Variants in PIEZO2 observed in about 807,000 individuals in gnomAD.
PIEZO2 encodes the protein piezo-type mechanosensitive ion channel component 2.
In PIEZO2, 172 loss-of-function variants were observed where a neutral mutation model predicts 337.3. The observed-to-expected ratio is 0.51, with a 90% CI of 0.45 to 0.58. PIEZO2 has a LOEUF of 0.58. Among genes scored for constraint, PIEZO2 ranks in the 20% least tolerant of loss-of-function variants. The probability of loss-of-function intolerance (pLI) is 0.00; values close to 1 mark genes in which losing one functional copy is unlikely to be tolerated. For missense variants in PIEZO2, 3,028 were observed against 3,391.3 expected, an observed-to-expected ratio of 0.89 and a Z score of 2.66; for synonymous variants, 1,251 against 1,228.5, an observed-to-expected ratio of 1.02 and a Z score of -0.38.
intron 42 of PIEZO2, among the ~76,000 whole-genome samples, chr18:10,703,102 C>A (rs893580358): frequency 6.6e-6 from 1 of 152,158 alleles, no homozygotes; most frequent in African/African-American, 2.4e-5. Flanking sequence ...GATCCTCCTG[C>A]CTTGGCCTCT....
At position 10,899,250 on chromosome 18, in the gene PIEZO2, GT is replaced by G. The variant is rs1354593561; in HGVS notation, c.329+11935del. On this transcript the variant is annotated intron_variant, in intron 4 of 55. Transcript: ENST00000674853. The surrounding 1 kb of genome is among the most constrained non-coding windows in gnomAD (Gnocchi z 4.6). ...ACAATACTGGGACAATCCTGTAGTT[GT>G]TCGCTACTTCAAATATTCTGTGTAA... is the stretch of plus-strand genomic sequence containing the variant. 6.6e-6 allele frequency among the ~76,000 whole-genome samples: 1 copy of G among 152,182 alleles called. No individual in the cohort carries two copies. Among genetic ancestry groups the G allele is most frequent in the Middle Eastern group, 3.2e-3 (1 of 316 alleles).
chr18:10,688,119 A>G (rs2034633055), intron 49 of PIEZO2, among the ~76,000 whole-genome samples: 1 of 151,888 alleles, frequency 6.6e-6, no homozygotes, highest in Admixed American at 6.6e-5. Flanking sequence ...TAAGCCCCCC[A>G]TGCGTTAGGT....
intron 37 of PIEZO2, among the ~76,000 whole-genome samples, chr18:10,717,982 T>C (rs1029341589): frequency 6.6e-6 from 1 of 152,224 alleles, no homozygotes; most frequent in Non-Finnish European, 1.5e-5. Flanking sequence ...CTGACACTAA[T>C]TCAACATTTT....
chr18:10,800,537 T>A, intron 10 of PIEZO2, 62 bp from the exon 11 acceptor site: 1 of 1,460,654 alleles, frequency 6.8e-7, no homozygotes, highest in Admixed American at 2.6e-5. Context: ...AATGCAGACA[T>A]ACCCCCACTT....
intron 2 of PIEZO2, among the ~76,000 whole-genome samples, chr18:10,990,312 G>A (rs958626918): frequency 6.6e-6 from 1 of 152,042 alleles, no homozygotes; most frequent in African/African-American, 2.4e-5. Flanking sequence ...ATGAGGAGAT[G>A]GGAAATAGGA....
At chr18:10,933,366 A>T (rs1304140703) in intron 3 of PIEZO2, among the ~76,000 whole-genome samples, 1 of 151,960 alleles carries the variant, frequency 6.6e-6, no homozygotes, top group Non-Finnish European at 1.5e-5. Context: ...TTTCTTCTTC[A>T]TTTCTAAGAT....
rs1405887757 is a variant in PIEZO2, at chr18:11,094,243, C to CGT, written c.65-28023_65-28022dup. 6.6e-6 allele frequency among the ~76,000 whole-genome samples: 1 copy of CGT among 152,114 alleles called. No homozygotes were observed. The highest frequency in any genetic ancestry group is 6.5e-5 in the Admixed American group (1 of 15,276). On this transcript the variant is annotated intron_variant, in intron 1 of 55. Coordinates refer to ENST00000674853, the MANE Select transcript of PIEZO2 (RefSeq NM_001378183.1). This position sits in a 1 kb window ranked among gnomAD's most constrained non-coding sequence, Gnocchi z 4.4. Reference sequence around the variant, plus strand: ...TAGCTCCTTTATGTTCCAGCTTGAACGTATGTATGGTAGGTTAATCCTCCC... The same window carrying CGT: ...TAGCTCCTTTATGTTCCAGCTTGAACGTGTATGTATGGTAGGTTAATCCTCCC...
At chr18:10,722,515 C>T (rs1242418659) in intron 36 of PIEZO2, among the ~76,000 whole-genome samples, 1 of 152,016 alleles carries the variant, frequency 6.6e-6, no homozygotes, top group African/African-American at 2.4e-5. Flanking sequence ...CAGGGTGAGC[C>T]ACCGTGCCCA....
At chr18:11,066,757 G>A (rs970929530) in intron 1 of PIEZO2, among the ~76,000 whole-genome samples, 24 of 152,178 alleles carry the variant, frequency 1.6e-4, no homozygotes, top group African/African-American at 3.6e-4. Context: ...ACCCCACCAC[G>A]CCTGGCTAAT....
At chr18:11,010,911 C>A (rs1270025277) in intron 2 of PIEZO2, among the ~76,000 whole-genome samples, 1 of 152,214 alleles carries the variant, frequency 6.6e-6, no homozygotes, top group African/African-American at 2.4e-5. Flanking sequence ...TCTAATGAAT[C>A]TACTGCCTTT....
At chr18:10,871,069 C>T (rs529878306) in intron 5 of PIEZO2, among the ~76,000 whole-genome samples, 184 bp downstream of exon 5, 5 of 151,952 alleles carry the variant, frequency 3.3e-5, no homozygotes, top group East Asian at 1.9e-4. Context: ...AAGGTGTGGA[C>T]CAGAGTGTCT....
rs1452121505 is a variant in PIEZO2 at position 10,680,257 on chromosome 18, G to T, written c.7894C>A (p.His2632Asn). ...ISPPSKQKMIHELLDPNSSFS... is the reference protein window; with the variant it reads ...ISPPSKQKMINELLDPNSSFS... The stretch of plus-strand genomic sequence containing the variant: ...CTACTATTGGGGTCCAGGAGTTCGT[G>T]TATCATTTTCTGCTTACTGGGTGGG... The change falls in exon 52 of 56, where the codon CAC (histidine) becomes AAC (asparagine). Residue 2632 changes from histidine to asparagine, a missense_variant. Coordinates refer to ENST00000674853, the MANE Select transcript of PIEZO2 (RefSeq NM_001378183.1). 1.9e-6 allele frequency: 3 copies of T among 1,614,008 alleles called. No homozygotes were observed. In the East Asian group the frequency reaches 6.7e-5, roughly 36 times the overall value.
At chr18:10,740,651 C>T in intron 33 of PIEZO2, 1 of 320,440 alleles carries the variant, frequency 3.1e-6, no homozygotes, top group Non-Finnish European at 6.0e-6. Flanking sequence ...AGGTGGAGCC[C>T]AAGCTCATTT....
intron 2 of PIEZO2, among the ~76,000 whole-genome samples, chr18:11,005,608 A>G (rs1272742026): frequency 1.3e-5 from 2 of 152,184 alleles, no homozygotes; most frequent in Non-Finnish European, 1.5e-5. Flanking sequence ...CCTGCTTCCC[A>G]TCTTCCTCAA....
rs1166160571 is a variant in PIEZO2, at chr18:11,021,501, TGA to T, written c.161-41843_161-41842del. ...TGGTGGTAAGGATGCAAATTTGAGT[TGA>T]GTTTCTGAGCAGACTCTCCTGCTTC... On this transcript the variant is annotated intron_variant, in intron 2 of 55. Coordinates refer to ENST00000674853, the MANE Select transcript of PIEZO2 (RefSeq NM_001378183.1). This position sits in a 1 kb window ranked among gnomAD's most constrained non-coding sequence, Gnocchi z 4.7. Among the ~76,000 whole-genome samples, 3 of 152,200 alleles carry T rather than the reference TGA, an allele frequency of 2.0e-5. No individual in the cohort carries two copies. The highest frequency in any genetic ancestry group is 4.4e-5 in the Non-Finnish European group (3 of 68,034).
chr18:10,788,936 G>A (rs978280935), intron 15 of PIEZO2, 143 bp downstream of exon 15: 8 of 1,015,576 alleles, frequency 7.9e-6, no homozygotes, highest in Non-Finnish European at 1.1e-5. Flanking sequence ...CCCATTTTAG[G>A]ATTCTTGGGA....
At chr18:10,725,336 G>A (rs1567988906) in intron 36 of PIEZO2, 3 of 1,604,476 alleles carry the variant, frequency 1.9e-6, no homozygotes, top group Non-Finnish European at 2.6e-6. Flanking sequence ...AGGTTGTGGT[G>A]CAGCTGAGTG....
At chr18:10,752,084 G>C (rs2037670479) in intron 28 of PIEZO2, among the ~76,000 whole-genome samples, 1 of 152,150 alleles carries the variant, frequency 6.6e-6, no homozygotes, top group African/African-American at 2.4e-5. Flanking sequence ...CCAGACAGAA[G>C]GCTGCATTTT....
At chr18:11,055,135 C>T (rs1054557869) in intron 2 of PIEZO2, among the ~76,000 whole-genome samples, 10 of 138,302 alleles carry the variant, frequency 7.2e-5, no homozygotes, top group Admixed American at 4.1e-4. Flanking sequence ...GGCGTGAACC[C>T]GGGAGGCAGA....
Sources: allele counts gnomAD v4.1 joint callset (sites outside exome capture counted in the v4.1 genomes callset), GRCh38; gene constraint gnomAD v4.1.1; non-coding constraint Gnocchi (gnomAD v3.1); transcripts MANE v1.5; gene names NCBI Gene and HGNC (gene_info 2026-07-23, HGNC 2026-07-21).